UBE2E2: variants seen among roughly 807,000 people sequenced by gnomAD.
The protein encoded by UBE2E2 is ubiquitin-conjugating enzyme E2 E2.
UBE2E2 carries 6 observed loss-of-function variants against 24.7 expected under a neutral mutation model. The observed-to-expected ratio is 0.24, with a 90% CI of 0.13 to 0.48. The LOEUF is 0.48. Among genes scored for constraint, UBE2E2 ranks in the 20% least tolerant of loss-of-function variants. The pLI, the probability that UBE2E2 is intolerant of heterozygous loss-of-function variation, is 0.99. For missense variants in UBE2E2, 169 were observed against 245.0 expected (o/e 0.69, Z 2.07); for synonymous variants, 104 against 83.6 (o/e 1.24, Z -1.33).
intron 4 of UBE2E2, among the ~76,000 whole-genome samples, 179 bp from the exon 5 acceptor site, chr3:23,532,375 A>G (rs1163829729): frequency 6.6e-6 from 1 of 152,226 alleles, no homozygotes; most frequent in Non-Finnish European, 1.5e-5. Context: ...GACAAATTCT[A>G]AAATGATGAT....
At chr3:23,212,466 T>A (rs1696355596) in intron 2 of UBE2E2, among the ~76,000 whole-genome samples, 1 of 152,204 alleles carries the variant, frequency 6.6e-6, no homozygotes. Context: ...CTTCTTTGAA[T>A]TTATTCTGCT....
chr3:23,258,750 G>T (rs567542690), intron 3 of UBE2E2, among the ~76,000 whole-genome samples: 2 of 151,760 alleles, frequency 1.3e-5, no homozygotes, highest in South Asian at 4.2e-4. Flanking sequence ...AAAATTAGCC[G>T]GGCGTGGTGG....
intron 3 of UBE2E2, among the ~76,000 whole-genome samples, chr3:23,459,520 A>G (rs879286879): frequency 6.6e-6 from 1 of 152,212 alleles, no homozygotes; most frequent in Non-Finnish European, 1.5e-5. Context: ...TTACAAATCC[A>G]GACACCTTTA....
At chr3:23,266,763 A>G (rs1339898740) in intron 3 of UBE2E2, among the ~76,000 whole-genome samples, 4 of 152,202 alleles carry the variant, frequency 2.6e-5, no homozygotes, top group Non-Finnish European at 5.9e-5. Flanking sequence ...TCTTTTCAGC[A>G]GCACACCACA....
chr3:23,455,045 ATGACAAGAATAG>A (rs1698647661), intron 3 of UBE2E2, among the ~76,000 whole-genome samples: 1 of 118,910 alleles, frequency 8.4e-6, no homozygotes, highest in Non-Finnish European at 2.0e-5. Context: ...AGGTCTCTGC[ATGACAAGAATAG>A]TTTTAATGCA....
chr3:23,582,841 GTGTC>G (rs1191680218), intron 5 of UBE2E2, among the ~76,000 whole-genome samples: 1 of 144,994 alleles, frequency 6.9e-6, no homozygotes, highest in Admixed American at 7.0e-5. Flanking sequence ...ATGCTGTAGA[GTGTC>G]TGTTTATTCT....
At position 23,589,414 on chromosome 3, in the gene UBE2E2, C is replaced by A. The variant is rs1696707645; in HGVS notation, c.509-320C>A. On this transcript the variant is annotated intron_variant, in intron 5 of 5. Transcript: ENST00000396703. The surrounding 1 kb of genome is among the most constrained non-coding windows in gnomAD (Gnocchi z 4.1). ...CTCTAGCCTGAGTGACAGAGCAACA[C>A]CCTGTCTCAAAAGAAAAAAAAAAAA... is the stretch of plus-strand genomic sequence containing the variant. Among the ~76,000 whole-genome samples the A allele has an allele frequency of 6.9e-6, 1 of 144,474 alleles. No homozygotes were observed. Among genetic ancestry groups the A allele is most frequent in the South Asian group, 2.3e-4 (1 of 4,344 alleles). The allele number at this position is 144,474 out of a possible 152,430, so 94.8% of individuals were successfully genotyped here.
At chr3:23,531,677 A>G (rs1442515917) in intron 4 of UBE2E2, among the ~76,000 whole-genome samples, 2 of 152,256 alleles carry the variant, frequency 1.3e-5, no homozygotes, top group Non-Finnish European at 1.5e-5. Context: ...TAATATAACT[A>G]AAATAGTAAA....
intron 3 of UBE2E2, among the ~76,000 whole-genome samples, chr3:23,487,679 T>A (rs1282134576): frequency 6.6e-6 from 1 of 152,196 alleles, no homozygotes; most frequent in Admixed American, 6.5e-5. Context: ...CATTAAGAAG[T>A]TAAGTAACTT....
At chr3:23,264,868 A>G (rs1698003048) in intron 3 of UBE2E2, among the ~76,000 whole-genome samples, 1 of 152,194 alleles carries the variant, frequency 6.6e-6, no homozygotes, top group Admixed American at 6.5e-5. Context: ...AGGTTAAGTG[A>G]TTGTCTTACA....
intron 3 of UBE2E2, among the ~76,000 whole-genome samples, chr3:23,463,743 T>C (rs900908744): frequency 6.6e-6 from 1 of 152,142 alleles, no homozygotes; most frequent in Admixed American, 6.5e-5. Flanking sequence ...TGGTAACCAT[T>C]GGATGCCTTA....
chr3:23,434,949 G>C (rs1297680175), intron 3 of UBE2E2, among the ~76,000 whole-genome samples: 1 of 152,198 alleles, frequency 6.6e-6, no homozygotes, highest in African/African-American at 2.4e-5. Flanking sequence ...CAGATTCACA[G>C]AATCAAATTA....
chr3:23,282,251 G>C (rs1250849045), intron 3 of UBE2E2, among the ~76,000 whole-genome samples: 1 of 152,174 alleles, frequency 6.6e-6, no homozygotes, highest in Non-Finnish European at 1.5e-5. Context: ...GCATTTATGA[G>C]CTTTCATCCA....
intron 5 of UBE2E2, among the ~76,000 whole-genome samples, chr3:23,548,675 TC>T (rs1347433514): frequency 6.6e-6 from 1 of 152,222 alleles, no homozygotes; most frequent in Non-Finnish European, 1.5e-5. Context: ...TCTTTTCTTA[TC>T]CTTATGGTTC....
At chr3:23,457,152 C>T (rs186687994) in intron 3 of UBE2E2, among the ~76,000 whole-genome samples, 232 of 152,232 alleles carry the variant, frequency 1.5e-3, no homozygotes, top group African/African-American at 5.3e-3. Flanking sequence ...CCCGAGCAGT[C>T]CCTGATGATG....
At chr3:23,226,071 G>C (rs1341976710) in intron 3 of UBE2E2, among the ~76,000 whole-genome samples, 2 of 152,206 alleles carry the variant, frequency 1.3e-5, no homozygotes, top group East Asian at 3.9e-4. Context: ...GTAGAGACGG[G>C]TTTCACCATG....
chr3:23,302,393 A>T (rs1049792133), intron 3 of UBE2E2, among the ~76,000 whole-genome samples: 1 of 152,114 alleles, frequency 6.6e-6, no homozygotes, highest in East Asian at 1.9e-4. Context: ...GACTTTATTT[A>T]TTGCAATTTC....
intron 5 of UBE2E2, among the ~76,000 whole-genome samples, chr3:23,579,907 T>A (rs1696437069): frequency 6.6e-6 from 1 of 152,116 alleles, no homozygotes; most frequent in African/African-American, 2.4e-5. Flanking sequence ...CCAACTCTCG[T>A]GGATGATTTG....
intron 3 of UBE2E2, among the ~76,000 whole-genome samples, chr3:23,233,480 A>G: frequency 6.6e-6 from 1 of 152,326 alleles, no homozygotes; most frequent in Non-Finnish European, 1.5e-5. Context: ...GCATTAATGT[A>G]AAACCCTTTG....
Sources: allele counts gnomAD v4.1 joint callset (sites outside exome capture counted in the v4.1 genomes callset), GRCh38; gene constraint gnomAD v4.1.1; non-coding constraint Gnocchi (gnomAD v3.1); transcripts MANE v1.5; gene names NCBI Gene and HGNC (gene_info 2026-07-23, HGNC 2026-07-21).